Variants in ASIP observed in about 807,000 individuals in gnomAD.
ASIP encodes the protein agouti-signaling protein.
A neutral mutation model predicts 10.3 loss-of-function variants in ASIP; 11 were observed. The ratio of observed to expected loss-of-function variants is 1.07; its 90% CI spans 0.68 to 1.78. The LOEUF is 1.78. Among genes scored for constraint, ASIP ranks in the 40% most tolerant of loss-of-function variants. The pLI is 0.00. For missense variants in ASIP, 180 were observed against 169.2 expected, an observed-to-expected ratio of 1.06 and a Z score of -0.35; for synonymous variants, 70 against 70.8, an observed-to-expected ratio of 0.99 and a Z score of 0.06.
intron 1 of ASIP, among the ~76,000 whole-genome samples, chr20:34,249,701 T>C (rs2035442452): frequency 6.6e-6 from 1 of 152,164 alleles, no homozygotes; most frequent in Non-Finnish European, 1.5e-5. Flanking sequence ...CCCCTCCTCC[T>C]TTTGTTAGTT....
chr20:34,223,605 GC>G (rs2035070629), intron 1 of ASIP, among the ~76,000 whole-genome samples: 1 of 141,572 alleles, frequency 7.1e-6, no homozygotes, highest in African/African-American at 3.0e-5. Flanking sequence ...GGGGGGGTCA[GC>G]CCCCCGCCCG....
intron 2 of ASIP, among the ~76,000 whole-genome samples, chr20:34,261,653 C>G (rs1337952231): frequency 1.3e-5 from 2 of 149,986 alleles, no homozygotes; most frequent in African/African-American, 4.9e-5. Context: ...CAAACAAAAA[C>G]TAGCCGGGAA....
At chr20:34,249,371 G>C (rs896352774) in intron 1 of ASIP, among the ~76,000 whole-genome samples, 14 of 151,130 alleles carry the variant, frequency 9.3e-5, no homozygotes, top group African/African-American at 3.2e-4. Context: ...TGGTTAGACA[G>C]CTGAAGGTGA....
chr20:34,208,047 G>C (rs1186592062), intron 1 of ASIP, among the ~76,000 whole-genome samples: 3 of 152,144 alleles, frequency 2.0e-5, no homozygotes, highest in Non-Finnish European at 4.4e-5. Context: ...AAAGTGCTGA[G>C]ATTACAGGTG....
chr20:34,216,738 T>C (rs1296280096), intron 1 of ASIP, among the ~76,000 whole-genome samples: 2 of 152,244 alleles, frequency 1.3e-5, no homozygotes, highest in African/African-American at 4.8e-5. Flanking sequence ...ACTATATATG[T>C]ATAGATCTAT....
intron 1 of ASIP, among the ~76,000 whole-genome samples, chr20:34,208,842 C>T (rs1048316240): frequency 9.9e-5 from 15 of 152,132 alleles, no homozygotes; most frequent in African/African-American, 3.1e-4. Context: ...CTTCTTTGGT[C>T]GTTTATGCCT....
chr20:34,210,332 G>A (rs1317954493), intron 1 of ASIP, among the ~76,000 whole-genome samples: 1 of 152,190 alleles, frequency 6.6e-6, no homozygotes, highest in Non-Finnish European at 1.5e-5. Flanking sequence ...TGTGACTCCT[G>A]GAGTCTCCAA....
intron 1 of ASIP, among the ~76,000 whole-genome samples, chr20:34,219,128 C>T (rs1285863127): frequency 6.6e-6 from 1 of 152,052 alleles, no homozygotes; most frequent in African/African-American, 2.4e-5. Flanking sequence ...AGACTCAAAG[C>T]TCCTAGGGAA....
intron 1 of ASIP, among the ~76,000 whole-genome samples, chr20:34,251,419 C>T (rs575189288): frequency 4.6e-5 from 7 of 152,066 alleles, no homozygotes; most frequent in African/African-American, 1.2e-4. Context: ...TACAGGTGCC[C>T]GCCACCACGC....
intron 3 of ASIP, 111 bp from the exon 4 acceptor site, chr20:34,268,880 C>A: frequency 2.2e-6 from 3 of 1,370,426 alleles, no homozygotes; most frequent in Admixed American, 4.2e-5. Flanking sequence ...GGCAAGCCAG[C>A]GGGGAAACCT....
intron 1 of ASIP, among the ~76,000 whole-genome samples, chr20:34,244,325 C>T (rs6088443): frequency 0.28 from 42,792 of 152,074 alleles, 10,920 homozygotes; most frequent in African/African-American, 0.69. Flanking sequence ...TCCAGGACTA[C>T]ATCTTGAGCA....
upstream of ASIP, among the ~76,000 whole-genome samples, chr20:34,239,271 C>A (rs781386766): frequency 4.2e-4 from 64 of 151,906 alleles, 1 homozygote; most frequent in Non-Finnish European, 7.4e-4. Context: ...GGCTGGAGTG[C>A]AGTGGCACAA....
intron 1 of ASIP, among the ~76,000 whole-genome samples, chr20:34,201,367 C>A (rs976321460): frequency 4.6e-5 from 7 of 152,166 alleles, no homozygotes; most frequent in Non-Finnish European, 1.0e-4. Context: ...CTGCTTTTCA[C>A]AAAGTGCACA....
intron 1 of ASIP, among the ~76,000 whole-genome samples, chr20:34,199,755 T>A (rs2034880956): frequency 2.0e-5 from 3 of 152,254 alleles, no homozygotes; most frequent in Admixed American, 6.5e-5. Flanking sequence ...CACAAGGCTA[T>A]GTGGAGTCAC....
intron 1 of ASIP, chr20:34,246,223 TTTTTG>T: frequency 6.6e-7 from 1 of 1,504,032 alleles, no homozygotes; most frequent in Non-Finnish European, 9.0e-7. Context: ...TGGTCTTCTT[TTTTTG>T]TTTTATTTGG....
intron 3 of ASIP, among the ~76,000 whole-genome samples, chr20:34,266,221 G>A (rs920598553): frequency 2.0e-5 from 3 of 151,890 alleles, no homozygotes; most frequent in East Asian, 3.9e-4. Context: ...AGGTGGTGGC[G>A]GGCGCCTGTA....
chr20:34,216,290 C>T (rs1353780168), intron 1 of ASIP, among the ~76,000 whole-genome samples: 2 of 152,346 alleles, frequency 1.3e-5, no homozygotes, highest in South Asian at 2.1e-4. Flanking sequence ...GCGCGAAGCG[C>T]CCTCTCCGAG....
At chr20:34,213,064 C>A (rs2034984631) in intron 1 of ASIP, among the ~76,000 whole-genome samples, 1 of 152,208 alleles carries the variant, frequency 6.6e-6, no homozygotes, top group Non-Finnish European at 1.5e-5. Flanking sequence ...ACAGTATCAA[C>A]AGGTGAGACT....
chr20:34,249,438 A>G (rs976087533), intron 1 of ASIP, among the ~76,000 whole-genome samples: 1 of 152,070 alleles, frequency 6.6e-6, no homozygotes, highest in Non-Finnish European at 1.5e-5. Context: ...ACTGAGTGTA[A>G]TGTAATGTTT....
Sources: allele counts gnomAD v4.1 joint callset (sites outside exome capture counted in the v4.1 genomes callset), GRCh38; gene constraint gnomAD v4.1.1; transcripts MANE v1.5; gene names NCBI Gene and HGNC (gene_info 2026-07-23, HGNC 2026-07-21).